PPP2R2C: variants seen among roughly 807,000 people sequenced by gnomAD.
The protein encoded by PPP2R2C is protein phosphatase 2 regulatory subunit Bgamma.
In PPP2R2C, 10 loss-of-function variants were observed where a neutral mutation model predicts 45.3. That is an observed-to-expected ratio of 0.22 (90% CI 0.14 to 0.37). PPP2R2C has a LOEUF of 0.37. PPP2R2C is among the 10% of genes least tolerant of loss of function. The pLI, the probability that PPP2R2C is intolerant of heterozygous loss-of-function variation, is 1.00. For missense variants in PPP2R2C, 308 were observed against 619.7 expected (o/e 0.50, Z 5.34); for synonymous variants, 257 against 245.4 (o/e 1.05, Z -0.44).
At chr4:6,456,181 A>G (rs1721018929) in intron 1 of PPP2R2C, among the ~76,000 whole-genome samples, 1 of 152,242 alleles carries the variant, frequency 6.6e-6, no homozygotes, top group South Asian at 2.1e-4. Context: ...GATCTGGGAA[A>G]ATGTTGACAG....
chr4:6,440,395 C>A (rs1720093827), intron 1 of PPP2R2C, among the ~76,000 whole-genome samples: 1 of 152,168 alleles, frequency 6.6e-6, no homozygotes, highest in East Asian at 1.9e-4. Context: ...GCAGGAAAAC[C>A]AGAAACAGGG....
At chr4:6,391,965 G>T (rs768781550) in intron 1 of PPP2R2C, among the ~76,000 whole-genome samples, 1 of 152,156 alleles carries the variant, frequency 6.6e-6, no homozygotes. Flanking sequence ...CCTCCGAGGC[G>T]CCAGGTTTAC....
chr4:6,562,159 T>A (rs1725596931), intron 1 of PPP2R2C, among the ~76,000 whole-genome samples: 1 of 152,064 alleles, frequency 6.6e-6, no homozygotes, highest in African/African-American at 2.4e-5. Context: ...CAGGGCGTGG[T>A]CAGAGTGCGG....
intron 1 of PPP2R2C, among the ~76,000 whole-genome samples, chr4:6,559,605 C>G (rs1309023979): frequency 6.6e-6 from 1 of 152,098 alleles, no homozygotes; most frequent in East Asian, 1.9e-4. Flanking sequence ...CCCTGAATTC[C>G]TATGTTGAAA....
intron 1 of PPP2R2C, among the ~76,000 whole-genome samples, chr4:6,549,746 G>C (rs1406292622): frequency 6.6e-6 from 1 of 152,198 alleles, no homozygotes; most frequent in Non-Finnish European, 1.5e-5. Context: ...CCACGGATGA[G>C]CTTTAAGGTA....
intron 2 of PPP2R2C, among the ~76,000 whole-genome samples, chr4:6,499,036 C>T (rs1722962743): frequency 6.6e-6 from 1 of 152,134 alleles, no homozygotes. Flanking sequence ...AAGCGGACCA[C>T]ACAGCCAGTC....
chr4:6,337,553 C>G (rs1733075716), intron 6 of PPP2R2C, among the ~76,000 whole-genome samples: 1 of 152,118 alleles, frequency 6.6e-6, no homozygotes, highest in Non-Finnish European at 1.5e-5. Context: ...TTAGTACCCC[C>G]TCGCCTGCTC....
chr4:6,439,300 C>A (rs1320588524), intron 1 of PPP2R2C, among the ~76,000 whole-genome samples: 1 of 152,222 alleles, frequency 6.6e-6, no homozygotes, highest in Non-Finnish European at 1.5e-5. Flanking sequence ...TGCAAGGCTG[C>A]ACACTCTTGT....
intron 1 of PPP2R2C, among the ~76,000 whole-genome samples, chr4:6,401,574 C>T (rs998060293): frequency 3.3e-5 from 5 of 152,086 alleles, no homozygotes; most frequent in Non-Finnish European, 7.4e-5. Flanking sequence ...AAACACAGCA[C>T]CAAGACCTAA....
At chr4:6,359,453 C>T (rs989161485) in intron 5 of PPP2R2C, among the ~76,000 whole-genome samples, 1 of 152,150 alleles carries the variant, frequency 6.6e-6, no homozygotes, top group Non-Finnish European at 1.5e-5. Context: ...ATGTAACAAA[C>T]ATGCACATTG....
intron 2 of PPP2R2C, among the ~76,000 whole-genome samples, chr4:6,511,416 AGTGATGGTG>A (rs1186288323): frequency 5.5e-3 from 264 of 47,626 alleles, no homozygotes; most frequent in African/African-American, 0.017. Flanking sequence ...TGGTGGTGAC[AGTGATGGTG>A]GTGATGGTGG....
chr4:6,430,681 T>G (rs1458813884), intron 1 of PPP2R2C, among the ~76,000 whole-genome samples: 2 of 152,126 alleles, frequency 1.3e-5, no homozygotes, highest in African/African-American at 4.8e-5. Context: ...TCCTAGCACT[T>G]TGGGGGGCCA....
chr4:6,516,915 C>T (rs1353898405), intron 2 of PPP2R2C, among the ~76,000 whole-genome samples: 9 of 152,256 alleles, frequency 5.9e-5, no homozygotes, highest in East Asian at 5.8e-4. Context: ...GCAGTCTTGG[C>T]GAGTGGCATG....
intron 5 of PPP2R2C, among the ~76,000 whole-genome samples, chr4:6,370,457 G>A (rs1714713651): frequency 6.6e-6 from 1 of 152,194 alleles, no homozygotes; most frequent in African/African-American, 2.4e-5. Context: ...GGGGTTGGGG[G>A]CGGAGCTGAC....
intron 1 of PPP2R2C, among the ~76,000 whole-genome samples, chr4:6,398,221 A>G (rs1717178650): frequency 6.6e-6 from 1 of 152,210 alleles, no homozygotes; most frequent in Admixed American, 6.5e-5. Context: ...CAAGACACAA[A>G]AAGCATGAAA....
At chr4:6,533,989 A>AAC (rs996049891) in intron 2 of PPP2R2C, among the ~76,000 whole-genome samples, 34 of 150,414 alleles carry the variant, frequency 2.3e-4, no homozygotes, top group Non-Finnish European at 3.4e-4. Context: ...ACATACCCCA[A>AAC]ACACACACAC....
intron 4 of PPP2R2C, among the ~76,000 whole-genome samples, chr4:6,374,928 C>T (rs375818399): frequency 6.6e-6 from 1 of 152,152 alleles, no homozygotes; most frequent in African/African-American, 2.4e-5. Flanking sequence ...GAGGACAGAC[C>T]AGGGCACCCA....
At chr4:6,508,305 G>C (rs1723305922) in intron 2 of PPP2R2C, among the ~76,000 whole-genome samples, 1 of 152,182 alleles carries the variant, frequency 6.6e-6, no homozygotes, top group Non-Finnish European at 1.5e-5. Context: ...TGAAGCTGGG[G>C]GCCAGGTGCG....
chr4:6,539,110 C>T (rs1312494580), intron 1 of PPP2R2C, among the ~76,000 whole-genome samples: 10 of 151,682 alleles, frequency 6.6e-5, no homozygotes, highest in African/African-American at 2.4e-4. Context: ...TAAGCTGAGT[C>T]CCTAATCCAA....
Sources: allele counts gnomAD v4.1 joint callset (sites outside exome capture counted in the v4.1 genomes callset), GRCh38; gene constraint gnomAD v4.1.1; transcripts MANE v1.5; gene names NCBI Gene and HGNC (gene_info 2026-07-23, HGNC 2026-07-21).